The following FGF14 variants were observed in gnomAD, a reference collection of about 807,000 sequenced individuals.
FGF14 encodes fibroblast growth factor homologous factor 4.
FGF14 carries 5 observed loss-of-function variants against 25.5 expected under a neutral mutation model. That is an observed-to-expected ratio of 0.20 (90% CI 0.10 to 0.41). The LOEUF (loss-of-function observed/expected upper bound fraction) is 0.41. Ranked by LOEUF, FGF14 falls within the 10% of genes least tolerant of loss-of-function variation. The probability of loss-of-function intolerance (pLI) is 1.00; values close to 1 mark genes in which losing one functional copy is unlikely to be tolerated. For missense variants in FGF14, 222 were observed against 320.1 expected (o/e 0.69, Z 2.34); for synonymous variants, 138 against 118.3 (o/e 1.17, Z -1.08).
At chr13:102,189,990 C>T (rs1487650357) in intron 1 of FGF14, among the ~76,000 whole-genome samples, 1 of 152,122 alleles carries the variant, frequency 6.6e-6, no homozygotes, top group Non-Finnish European at 1.5e-5. Flanking sequence ...AAACACCTCC[C>T]ACTAGACACC....
chr13:101,929,505 G>T (rs1337217244), intron 1 of FGF14, among the ~76,000 whole-genome samples: 2 of 152,182 alleles, frequency 1.3e-5, no homozygotes, highest in Non-Finnish European at 2.9e-5. Context: ...CACACCAGCT[G>T]TAGAACCAGC....
At position 101,722,176 on chromosome 13, in the gene FGF14, C is replaced by T. The variant is rs1044624311; in HGVS notation, c.*655G>A. On this transcript the variant is annotated 3_prime_UTR_variant, in exon 5 of 5. Coordinates refer to ENST00000376143, the MANE Select transcript of FGF14 (RefSeq NM_004115.4). ...GACAGAGCGTATATGTGTGTTTAATCGATAGTGTGAGCCAGAGACAACAAT... is the reference window on the plus strand; with the variant it reads ...GACAGAGCGTATATGTGTGTTTAATTGATAGTGTGAGCCAGAGACAACAAT... 6.0e-5 allele frequency: 10 copies of T among 166,042 alleles called. No individual in the cohort carries two copies. Among genetic ancestry groups the T allele is most frequent in the African/African-American group, 9.6e-5 (4 of 41,610 alleles). The allele number at this position is 166,042 out of a possible 1,614,324, so 10.3% of individuals were successfully genotyped here. A position where few individuals can be genotyped will look rare whatever the true frequency, so the allele number is the denominator to read the frequency against.
chr13:102,339,786 C>T lies in FGF14; in HGVS notation c.208+61685G>A, dbSNP rs890422815. 3.9e-5 allele frequency among the ~76,000 whole-genome samples: 6 copies of T among 152,128 alleles called. No individual in the cohort carries two copies. The East Asian group carries it at 1.2e-3, about 29-fold the overall frequency. ...ATCATGGTGAGAGATAATAGGAAAT[C>T]CAAGAGATAGAAGGTCCCACATAAA... On this transcript the variant is annotated intron_variant, in intron 1 of 4. Transcript: ENST00000376131.
intron 1 of FGF14, among the ~76,000 whole-genome samples, chr13:102,282,539 G>T (rs2053898137): frequency 6.6e-6 from 1 of 151,888 alleles, no homozygotes; most frequent in Non-Finnish European, 1.5e-5. Context: ...GGAATTGAAG[G>T]GCTCTCTACA....
chr13:102,023,043 GAC>G (rs59221538), intron 1 of FGF14, among the ~76,000 whole-genome samples: 57,564 of 146,064 alleles, frequency 0.39, 12,894 homozygotes, highest in Non-Finnish European at 0.51. Context: ...AATATTTTCG[GAC>G]ACACACACAC....
At chr13:102,324,576 A>C (rs2056360637) in intron 1 of FGF14, among the ~76,000 whole-genome samples, 1 of 152,194 alleles carries the variant, frequency 6.6e-6, no homozygotes, top group African/African-American at 2.4e-5. Context: ...CATGCATCAA[A>C]GTCTTTGACA....
At chr13:101,839,132 A>G (rs1285306073) in intron 3 of FGF14, among the ~76,000 whole-genome samples, 3 of 152,084 alleles carry the variant, frequency 2.0e-5, no homozygotes, top group Admixed American at 1.3e-4. Context: ...TGTCTCTACT[A>G]ATTTCTAGAA....
At chr13:102,349,092 G>A (rs1594916029) in intron 1 of FGF14, among the ~76,000 whole-genome samples, 3 of 152,248 alleles carry the variant, frequency 2.0e-5, no homozygotes, top group East Asian at 3.9e-4. Context: ...ATTGGGTAGA[G>A]GGCAGAGATG....
intron 3 of FGF14, among the ~76,000 whole-genome samples, chr13:101,837,532 G>T (rs1426709478): frequency 6.6e-6 from 1 of 152,082 alleles, no homozygotes; most frequent in Non-Finnish European, 1.5e-5. Context: ...TAGGGCATTT[G>T]TATATGAAAC....
intron 3 of FGF14, among the ~76,000 whole-genome samples, chr13:101,750,042 G>A (rs1335987303): frequency 1.3e-5 from 2 of 151,956 alleles, no homozygotes; most frequent in Non-Finnish European, 2.9e-5. Context: ...AAGACACATC[G>A]AGAAAACACT....
intron 1 of FGF14, among the ~76,000 whole-genome samples, chr13:102,375,179 C>T (rs937212641): frequency 3.3e-5 from 5 of 152,080 alleles, no homozygotes; most frequent in Non-Finnish European, 5.9e-5. Context: ...GTCACTCATG[C>T]TGGTAAAAAG....
intron 1 of FGF14, among the ~76,000 whole-genome samples, chr13:101,941,089 G>A (rs1314341688): frequency 2.0e-5 from 3 of 152,124 alleles, no homozygotes; most frequent in South Asian, 2.1e-4. Flanking sequence ...GCAACATTGC[G>A]GAGCGATTTA....
At chr13:101,759,800 T>C (rs1246099475) in intron 3 of FGF14, among the ~76,000 whole-genome samples, 2 of 152,138 alleles carry the variant, frequency 1.3e-5, no homozygotes, top group Non-Finnish European at 2.9e-5. Context: ...GAGCTATTAC[T>C]GTAGAGAAAA....
At chr13:101,817,209 A>T (rs1422970622) in intron 3 of FGF14, among the ~76,000 whole-genome samples, 2 of 152,216 alleles carry the variant, frequency 1.3e-5, no homozygotes, top group Non-Finnish European at 2.9e-5. Flanking sequence ...ATACTAGCAA[A>T]GCTCAGGCTA....
chr13:101,967,267 T>C (rs1053527597), intron 1 of FGF14, among the ~76,000 whole-genome samples: 6 of 152,196 alleles, frequency 3.9e-5, no homozygotes, highest in Non-Finnish European at 1.5e-5. Flanking sequence ...TTCTATTGAG[T>C]CAGAATGTCT....
chr13:102,256,369 C>T (rs1307764004), intron 1 of FGF14, among the ~76,000 whole-genome samples: 1 of 151,946 alleles, frequency 6.6e-6, no homozygotes, highest in African/African-American at 2.4e-5. Context: ...CATGGTGGGA[C>T]ACATTGTAGT....
intron 3 of FGF14, among the ~76,000 whole-genome samples, chr13:101,849,687 G>A (rs1250911518): frequency 6.6e-6 from 1 of 152,074 alleles, no homozygotes; most frequent in African/African-American, 2.4e-5. Flanking sequence ...AGAGATACAT[G>A]GCTGAGCATA....
intron 1 of FGF14, among the ~76,000 whole-genome samples, chr13:101,974,529 T>A (rs1457789911): frequency 6.6e-6 from 1 of 152,164 alleles, no homozygotes; most frequent in African/African-American, 2.4e-5. Flanking sequence ...AATAATATTT[T>A]AAATATAATT....
chr13:101,902,633 C>CA (rs2031719442), intron 1 of FGF14, among the ~76,000 whole-genome samples: 1 of 152,144 alleles, frequency 6.6e-6, no homozygotes, highest in African/African-American at 2.4e-5. Context: ...ATGCAAGCGC[C>CA]AGTAAGTGCA....
Sources: gnomAD v4.1 joint callset for allele counts (sites outside exome capture counted in the v4.1 genomes callset) on GRCh38, gnomAD v4.1.1 for gene constraint, MANE v1.5 for transcripts, NCBI Gene and HGNC (gene_info 2026-07-23, HGNC 2026-07-21) for gene names.